Variants in C8A observed in about 807,000 individuals in gnomAD.
The protein encoded by C8A is complement C8 alpha chain, also known as complement component C8 alpha chain.
A neutral mutation model predicts 65.3 loss-of-function variants in C8A; 67 were observed. The observed-to-expected ratio is 1.03, with a 90% CI of 0.84 to 1.26. C8A has a LOEUF of 1.26. C8A is among the 50% of genes most tolerant of loss of function. The pLI is 0.00. For missense variants in C8A, 781 were observed against 723.9 expected, an observed-to-expected ratio of 1.08 and a Z score of -0.90; for synonymous variants, 290 against 259.4, an observed-to-expected ratio of 1.12 and a Z score of -1.13.
chr1:56,911,767 T>C (rs1329849804), intron 9 of C8A, among the ~76,000 whole-genome samples: 1 of 152,238 alleles, frequency 6.6e-6, no homozygotes, highest in African/African-American at 2.4e-5. Flanking sequence ...CCCAGCCACA[T>C]GTAGCTGCCA....
chr1:56,885,312 A>T (rs867709833), intron 6 of C8A, among the ~76,000 whole-genome samples: 1 of 106,300 alleles, frequency 9.4e-6, no homozygotes, highest in Non-Finnish European at 1.8e-5. Flanking sequence ...ATATATTTAC[A>T]TAAATATATT....
intron 7 of C8A, among the ~76,000 whole-genome samples, chr1:56,893,691 A>G (rs1474741108): frequency 3.9e-5 from 6 of 152,284 alleles, no homozygotes; most frequent in East Asian, 1.9e-4. Flanking sequence ...TTAAGTTTCA[A>G]TTTCCTCACC....
intron 1 of C8A, among the ~76,000 whole-genome samples, chr1:56,863,729 C>A (rs192111770): frequency 7.2e-5 from 11 of 152,228 alleles, no homozygotes; most frequent in East Asian, 5.8e-4. Flanking sequence ...GTCAAGATAC[C>A]AGGATCTAAT....
At chr1:56,911,742 T>C (rs768076738) in intron 9 of C8A, among the ~76,000 whole-genome samples, 23 of 152,326 alleles carry the variant, frequency 1.5e-4, no homozygotes, top group Non-Finnish European at 3.2e-4. Context: ...TTGCATCAGT[T>C]GTAAATAACT....
intron 10 of C8A, among the ~76,000 whole-genome samples, chr1:56,914,821 G>A (rs893075212): frequency 1.3e-5 from 2 of 152,068 alleles, no homozygotes; most frequent in African/African-American, 2.4e-5. Context: ...GGGACTACAG[G>A]CATGCACCAC....
In C8A at chr1:56,883,610, T is replaced by C. The variant is rs756666750; in HGVS notation, c.784T>C (p.Leu262=). The change falls in exon 6 of 11, where the codon TTG becomes CTG. Residue 262 remains leucine (L), a synonymous_variant. Coordinates refer to ENST00000361249, the MANE Select transcript of C8A (RefSeq NM_000562.3). ...CATAGGCCCAGCCGGCAGCCCTTTA[T>C]TGGTGGGTGTAGGTGTATCCCACTC... is the stretch of plus-strand genomic sequence containing the variant. The part of the protein sequence containing the change: ...IGIGPAGSPL[L]VGVGVSHSQD... 1.2e-6 allele frequency: 2 copies of C among 1,613,996 alleles called. No individual in the cohort carries two copies. The highest frequency in any genetic ancestry group is 1.7e-6 in the Non-Finnish European group (2 of 1,179,954).
intron 10 of C8A, among the ~76,000 whole-genome samples, chr1:56,913,500 G>C (rs978227975): frequency 6.6e-6 from 1 of 152,158 alleles, no homozygotes; most frequent in African/African-American, 2.4e-5. Flanking sequence ...AAGAAGTCTG[G>C]GGACTTGGAT....
chr1:56,902,408 A>G (rs950627592), intron 7 of C8A, among the ~76,000 whole-genome samples: 8 of 152,158 alleles, frequency 5.3e-5, no homozygotes, highest in Non-Finnish European at 8.8e-5. Context: ...AAATATCCTT[A>G]GTCGCCTCTA....
At chr1:56,913,490 A>G (rs1374288703) in intron 10 of C8A, among the ~76,000 whole-genome samples, 1 of 152,246 alleles carries the variant, frequency 6.6e-6, no homozygotes, top group African/African-American at 2.4e-5. Context: ...CTTAAAAATG[A>G]AGAAGTCTGG....
intron 7 of C8A, among the ~76,000 whole-genome samples, chr1:56,887,191 C>G (rs1644306587): frequency 6.6e-6 from 1 of 152,160 alleles, no homozygotes; most frequent in South Asian, 2.1e-4. Context: ...AAATTCCACA[C>G]TAGGTAGTCT....
chr1:56,892,620 A>G (rs1644356607), intron 7 of C8A, among the ~76,000 whole-genome samples: 2 of 151,854 alleles, frequency 1.3e-5, no homozygotes, highest in Non-Finnish European at 2.9e-5. Context: ...TGACCATTCT[A>G]TGCTATTTTC....
At chr1:56,912,202 C>T (rs1378433973) in intron 9 of C8A, among the ~76,000 whole-genome samples, 1 of 152,184 alleles carries the variant, frequency 6.6e-6, no homozygotes, top group Non-Finnish European at 1.5e-5. Flanking sequence ...ACTGAGCCTC[C>T]CTTTCTTCTG....
chr1:56,907,676 G>T (rs560151409), intron 8 of C8A, among the ~76,000 whole-genome samples: 1 of 152,314 alleles, frequency 6.6e-6, no homozygotes, highest in South Asian at 2.1e-4. Flanking sequence ...ATGAGTGAAT[G>T]AATGAATAAA....
intron 1 of C8A, among the ~76,000 whole-genome samples, chr1:56,862,467 T>C (rs943242811): frequency 6.6e-6 from 1 of 152,180 alleles, no homozygotes; most frequent in Non-Finnish European, 1.5e-5. Flanking sequence ...TATTGAGCAT[T>C]TTGAATCTCC....
chr1:56,860,539 G>T (rs1413211364), intron 1 of C8A, among the ~76,000 whole-genome samples: 1 of 152,208 alleles, frequency 6.6e-6, no homozygotes, highest in Non-Finnish European at 1.5e-5. Flanking sequence ...GCAGAGAATG[G>T]ATTGGAGAAA....
intron 1 of C8A, among the ~76,000 whole-genome samples, chr1:56,860,208 G>A (rs527687246): frequency 6.6e-6 from 1 of 152,316 alleles, no homozygotes; most frequent in South Asian, 2.1e-4. Context: ...GATGTGAAGG[G>A]CGGTAGTGAG....
chr1:56,865,641 A>G (rs1316945009), intron 1 of C8A, among the ~76,000 whole-genome samples: 2 of 152,156 alleles, frequency 1.3e-5, no homozygotes, highest in East Asian at 3.9e-4. Context: ...CTACCAAACT[A>G]TGGTTATTTG....
chr1:56,905,105 T>G (rs1044020189), intron 7 of C8A, among the ~76,000 whole-genome samples: 3 of 152,208 alleles, frequency 2.0e-5, no homozygotes, highest in African/African-American at 7.2e-5. Context: ...CAATTAGTAA[T>G]GCATTAAAAA....
intron 1 of C8A, among the ~76,000 whole-genome samples, chr1:56,860,752 T>C (rs1446577568): frequency 6.6e-6 from 1 of 152,210 alleles, no homozygotes; most frequent in Non-Finnish European, 1.5e-5. Flanking sequence ...TAGGAACATT[T>C]GCACAGATGG....
Sources: gnomAD v4.1 joint callset for allele counts (sites outside exome capture counted in the v4.1 genomes callset) on GRCh38, gnomAD v4.1.1 for gene constraint, MANE v1.5 for transcripts, NCBI Gene and HGNC (gene_info 2026-07-23, HGNC 2026-07-21) for gene names.